SH3GL3: variants seen among roughly 807,000 people sequenced by gnomAD.
SH3GL3 encodes the protein endophilin-A3.
A neutral mutation model predicts 47.7 loss-of-function variants in SH3GL3; 33 were observed. That is an observed-to-expected ratio of 0.69 (90% CI 0.52 to 0.92). The LOEUF (loss-of-function observed/expected upper bound fraction) is 0.92, where lower values mean the gene tolerates loss of function less well. Ranked by LOEUF, SH3GL3 falls within the 40% of genes least tolerant of loss-of-function variation. The pLI is 0.00. For missense variants in SH3GL3, 363 were observed against 417.8 expected (o/e 0.87, Z 1.14); for synonymous variants, 155 against 148.8 (o/e 1.04, Z -0.30).
At chr15:83,506,610 T>C (rs2042515227) in intron 1 of SH3GL3, among the ~76,000 whole-genome samples, 1 of 152,184 alleles carries the variant, frequency 6.6e-6, no homozygotes, top group Non-Finnish European at 1.5e-5. Context: ...TTGGCTGTGT[T>C]GTAGATTTGT....
chr15:83,542,713 G>A (rs1395016767), intron 1 of SH3GL3, among the ~76,000 whole-genome samples: 1 of 151,956 alleles, frequency 6.6e-6, no homozygotes, highest in Non-Finnish European at 1.5e-5. Flanking sequence ...GGTATTTTAT[G>A]TAATTTGTAG....
chr15:83,459,797 C>A (rs980974384), intron 1 of SH3GL3, among the ~76,000 whole-genome samples: 1 of 152,088 alleles, frequency 6.6e-6, no homozygotes, highest in African/African-American at 2.4e-5. Flanking sequence ...AGCTTTTTGC[C>A]ACGTCTCACG....
At chr15:83,561,237 G>GA (rs562272640) in intron 2 of SH3GL3, among the ~76,000 whole-genome samples, 81 of 150,556 alleles carry the variant, frequency 5.4e-4, no homozygotes, top group Non-Finnish European at 8.4e-4. Flanking sequence ...CTAGGTTATA[G>GA]AAAAAAAAAC....
At chr15:83,458,782 A>C (rs2040125533) in intron 1 of SH3GL3, among the ~76,000 whole-genome samples, 1 of 152,166 alleles carries the variant, frequency 6.6e-6, no homozygotes. Context: ...TCTTCTCTGC[A>C]CTATTGTTTC....
At chr15:83,565,676 A>T (rs1281168074) in intron 3 of SH3GL3, 3 of 152,384 alleles carry the variant, frequency 2.0e-5, no homozygotes, top group African/African-American at 4.8e-5. Context: ...CCAGTGTCAC[A>T]TCAGCTTCTC....
rs71156085 is a variant in SH3GL3, at chr15:83,541,312, A to ATTTTTTTTTTTTT, written c.46-17914_46-17902dup. Among the ~76,000 whole-genome samples the ATTTTTTTTTTTTT allele has an allele frequency of 5.5e-4, 26 of 47,370 alleles. 8 individuals are homozygous for ATTTTTTTTTTTTT. Among genetic ancestry groups the ATTTTTTTTTTTTT allele is most frequent in the East Asian group, 2.8e-3 (3 of 1,088 alleles). 31.1% of individuals were successfully genotyped at this position (47,370 alleles called of 152,430 possible). Reference sequence around the variant, plus strand: ...GATGGCTGGATCATATGGTAATTCTATTTTTTTTTTTTTTTTTTTTTTTTT... The same window carrying ATTTTTTTTTTTTT: ...GATGGCTGGATCATATGGTAATTCTATTTTTTTTTTTTTTTTTTTTTTTTTTTTTTTTTTTTTT... On this transcript the variant is annotated intron_variant, in intron 1 of 8. Transcript: ENST00000427482.
At chr15:83,629,656 C>A in the SH3GL3 span, among the ~76,000 whole-genome samples, 24 of 152,128 alleles carry the variant, frequency 1.6e-4, no homozygotes, top group African/African-American at 5.8e-4. Flanking sequence ...CCCATCCCTA[C>A]AAAAAAGTTA....
intron 6 of SH3GL3, among the ~76,000 whole-genome samples, chr15:83,586,549 G>A (rs2059960594): frequency 6.6e-6 from 1 of 152,158 alleles, no homozygotes; most frequent in Non-Finnish European, 1.5e-5. Flanking sequence ...ACTGTTTAAT[G>A]TACTTAATGT....
intron 1 of SH3GL3, among the ~76,000 whole-genome samples, chr15:83,534,188 C>T (rs1567311165): frequency 6.6e-6 from 1 of 152,192 alleles, no homozygotes. Flanking sequence ...CATGTGCTCC[C>T]TCCTCCCTTC....
chr15:83,620,509 A>G (rs1166203536), downstream of SH3GL3, among the ~76,000 whole-genome samples: 2 of 152,234 alleles, frequency 1.3e-5, no homozygotes, highest in Non-Finnish European at 2.9e-5. Context: ...GCATATCTCT[A>G]TCAGAGCTCC....
downstream of SH3GL3, among the ~76,000 whole-genome samples, chr15:83,621,751 C>A (rs2060916302): frequency 6.6e-6 from 1 of 152,130 alleles, no homozygotes; most frequent in Non-Finnish European, 1.5e-5. Context: ...AAGACGTAAC[C>A]CTGTTGTGGC....
intron 8 of SH3GL3, among the ~76,000 whole-genome samples, chr15:83,606,949 T>C (rs1309959089): frequency 6.6e-5 from 10 of 152,234 alleles, no homozygotes; most frequent in Non-Finnish European, 1.2e-4. Context: ...GTGTGAAATA[T>C]GATTATTATT....
chr15:83,600,349 G>A (rs554942577), intron 8 of SH3GL3, among the ~76,000 whole-genome samples: 26 of 152,216 alleles, frequency 1.7e-4, no homozygotes, highest in South Asian at 4.2e-4. Context: ...CTTGATCCAC[G>A]TTGAGTTGAT....
At chr15:83,473,708 C>T (rs1241514556) in intron 1 of SH3GL3, among the ~76,000 whole-genome samples, 6 of 151,992 alleles carry the variant, frequency 3.9e-5, no homozygotes, top group African/African-American at 9.6e-5. Flanking sequence ...CCACCACGTC[C>T]GGCTAATTTT....
At chr15:83,530,544 T>C (rs1260195124) in intron 1 of SH3GL3, among the ~76,000 whole-genome samples, 1 of 152,118 alleles carries the variant, frequency 6.6e-6, no homozygotes, top group Non-Finnish European at 1.5e-5. Flanking sequence ...GGTTCTTTTT[T>C]GGGGAGGTGG....
At chr15:83,450,322 G>T (rs527379719) in intron 1 of SH3GL3, among the ~76,000 whole-genome samples, 1 of 152,298 alleles carries the variant, frequency 6.6e-6, no homozygotes, top group African/African-American at 2.4e-5. Context: ...GGGTGTGTGT[G>T]TATGTATACA....
intron 1 of SH3GL3, among the ~76,000 whole-genome samples, chr15:83,508,473 A>G (rs1019670506): frequency 3.3e-5 from 5 of 152,004 alleles, no homozygotes; most frequent in African/African-American, 1.2e-4. Context: ...AGGGAGGGAT[A>G]GAGTAGGGGA....
intron 6 of SH3GL3, among the ~76,000 whole-genome samples, chr15:83,585,853 G>A (rs2059940384): frequency 6.6e-6 from 1 of 152,146 alleles, no homozygotes; most frequent in South Asian, 2.1e-4. Flanking sequence ...GTTTAAAATA[G>A]TATAAGTGAG....
At chr15:83,549,240 A>C (rs911048144) in intron 1 of SH3GL3, among the ~76,000 whole-genome samples, 10 of 152,198 alleles carry the variant, frequency 6.6e-5, no homozygotes, top group African/African-American at 2.4e-4. Flanking sequence ...TGGATCATCT[A>C]ATTCTTTTCT....
Sources: gnomAD v4.1 joint callset for allele counts (sites outside exome capture counted in the v4.1 genomes callset) on GRCh38, gnomAD v4.1.1 for gene constraint, MANE v1.5 for transcripts, NCBI Gene and HGNC (gene_info 2026-07-23, HGNC 2026-07-21) for gene names.